The following MIPOL1 variants were observed in gnomAD, a reference collection of about 807,000 sequenced individuals.
The protein encoded by MIPOL1 is mirror-image polydactyly 1, also known as mirror-image polydactyly gene 1 protein.
A neutral mutation model predicts 60.9 loss-of-function variants in MIPOL1; 57 were observed. The ratio of observed to expected loss-of-function variants is 0.94; its 90% CI spans 0.76 to 1.17. The LOEUF (loss-of-function observed/expected upper bound fraction) is 1.17, where lower values mean the gene tolerates loss of function less well. MIPOL1 is among the 50% of genes most tolerant of loss of function. The probability of loss-of-function intolerance (pLI) is 0.00; values close to 1 mark genes in which losing one functional copy is unlikely to be tolerated. For missense variants in MIPOL1, 551 were observed against 511.6 expected, an observed-to-expected ratio of 1.08 and a Z score of -0.74; for synonymous variants, 179 against 168.8, an observed-to-expected ratio of 1.06 and a Z score of -0.47.
At chr14:37,201,651 G>C (rs1246881858) in intron 1 of MIPOL1, among the ~76,000 whole-genome samples, 4 of 152,124 alleles carry the variant, frequency 2.6e-5, no homozygotes, top group Non-Finnish European at 5.9e-5. Flanking sequence ...AAGCTCAACT[G>C]TGACACCTCT....
intron 1 of MIPOL1, among the ~76,000 whole-genome samples, chr14:37,202,681 A>G (rs1308533593): frequency 6.6e-6 from 1 of 152,174 alleles, no homozygotes; most frequent in African/African-American, 2.4e-5. Context: ...TGATGCTTTC[A>G]TATTAGTAAG....
At chr14:37,484,540 G>A (rs187445445) in intron 11 of MIPOL1, among the ~76,000 whole-genome samples, 1 of 152,056 alleles carries the variant, frequency 6.6e-6, no homozygotes, top group Non-Finnish European at 1.5e-5. Context: ...GTTTCACCAT[G>A]TTGTCCAGGA....
At chr14:37,426,570 CATATATATATAT>C (rs68123796) in intron 11 of MIPOL1, among the ~76,000 whole-genome samples, 20 of 85,540 alleles carry the variant, frequency 2.3e-4, no homozygotes, top group African/African-American at 5.9e-4. Flanking sequence ...TCAAAATATA[CATATATATATAT>C]ATATATATAT....
At chr14:37,386,696 T>G (rs1050066048) in intron 10 of MIPOL1, among the ~76,000 whole-genome samples, 1 of 151,994 alleles carries the variant, frequency 6.6e-6, no homozygotes, top group Admixed American at 6.6e-5. Context: ...AGATAGTTGC[T>G]TAGACAGTTG....
intron 11 of MIPOL1, among the ~76,000 whole-genome samples, chr14:37,471,142 C>T (rs2094683616): frequency 1.3e-5 from 2 of 152,088 alleles, no homozygotes; most frequent in Admixed American, 1.3e-4. Flanking sequence ...CATTGGAACA[C>T]TTGGGGACAG....
chr14:37,226,023 G>A (rs1969668567), intron 1 of MIPOL1, among the ~76,000 whole-genome samples: 1 of 152,102 alleles, frequency 6.6e-6, no homozygotes, highest in African/African-American at 2.4e-5. Flanking sequence ...CTTTATTCCA[G>A]TTCCCAACAA....
At chr14:37,457,559 A>C (rs1566639314) in intron 11 of MIPOL1, among the ~76,000 whole-genome samples, 1 of 152,126 alleles carries the variant, frequency 6.6e-6, no homozygotes, top group Non-Finnish European at 1.5e-5. Flanking sequence ...CTACTCTGCA[A>C]GTTTCTATTT....
At chr14:37,514,965 CA>C (rs2095358350) in intron 12 of MIPOL1, among the ~76,000 whole-genome samples, 1 of 152,126 alleles carries the variant, frequency 6.6e-6, no homozygotes, top group Admixed American at 6.5e-5. Flanking sequence ...TGTAGAAATA[CA>C]AATTTCACTT....
At chr14:37,332,688 G>A (rs896998061) in intron 9 of MIPOL1, among the ~76,000 whole-genome samples, 14 of 23,336 alleles carry the variant, frequency 6.0e-4, no homozygotes, top group African/African-American at 1.1e-3. Flanking sequence ...TGAATTATCC[G>A]AAATGGCAGG....
chr14:37,445,943 A>C (rs1458056929), intron 11 of MIPOL1, among the ~76,000 whole-genome samples: 7 of 152,282 alleles, frequency 4.6e-5, no homozygotes, highest in African/African-American at 9.6e-5. Context: ...TAAAGACTTA[A>C]ACGTTAGACC....
At chr14:37,327,777 CTA>C (rs1209088103) in intron 9 of MIPOL1, among the ~76,000 whole-genome samples, 1 of 152,044 alleles carries the variant, frequency 6.6e-6, no homozygotes, top group Non-Finnish European at 1.5e-5. Flanking sequence ...TTAAAAGAAA[CTA>C]TTATTTTGCT....
At chr14:37,480,357 G>A (rs1340603813) in intron 11 of MIPOL1, among the ~76,000 whole-genome samples, 2 of 152,054 alleles carry the variant, frequency 1.3e-5, no homozygotes, top group South Asian at 2.1e-4. Flanking sequence ...CACCATTATC[G>A]AGTGGGATTT....
At chr14:37,436,326 A>T (rs1380765244) in intron 11 of MIPOL1, among the ~76,000 whole-genome samples, 1 of 152,096 alleles carries the variant, frequency 6.6e-6, no homozygotes, top group Non-Finnish European at 1.5e-5. Flanking sequence ...AGAGGAGAGA[A>T]TTCCTTCATA....
chr14:37,247,160 T>C lies in MIPOL1; in HGVS notation c.-141T>C, dbSNP rs1181459195. ...AGATTGCCAATTCCAAATCAACATA[T>C]TTAGAGAAAATTGGAAAAGGAGAAG... On this transcript the variant is annotated 5_prime_UTR_variant, in exon 2 of 13. Transcript: ENST00000684589. 1 of 152,418 alleles carries C rather than the reference T, an allele frequency of 6.6e-6. No homozygotes were observed. The highest frequency in any genetic ancestry group is 2.4e-5 in the African/African-American group (1 of 41,430). 9.4% of individuals were successfully genotyped at this position (152,418 alleles called of 1,614,324 possible). A position where few individuals can be genotyped will look rare whatever the true frequency, so the allele number is the denominator to read the frequency against.
chr14:37,309,006 C>G (rs1433259438), intron 9 of MIPOL1, among the ~76,000 whole-genome samples: 1 of 152,098 alleles, frequency 6.6e-6, no homozygotes, highest in Non-Finnish European at 1.5e-5. Context: ...GATTACCTCC[C>G]TCAGGCCACT....
intron 9 of MIPOL1, among the ~76,000 whole-genome samples, chr14:37,356,128 C>G (rs1446498305): frequency 2.0e-5 from 3 of 150,996 alleles, no homozygotes; most frequent in Non-Finnish European, 2.9e-5. Context: ...TTCTAACAGA[C>G]AGGACCCTCA....
intron 11 of MIPOL1, among the ~76,000 whole-genome samples, chr14:37,449,895 C>T (rs1462248335): frequency 6.6e-6 from 1 of 152,090 alleles, no homozygotes; most frequent in African/African-American, 2.4e-5. Flanking sequence ...TCACTGCAAC[C>T]TTTGCCTCCT....
In MIPOL1 at chr14:37,526,955, C is replaced by A. The variant is rs568407640; in HGVS notation, c.1263-19950C>A. Among the ~76,000 whole-genome samples, 264 of 152,094 alleles carry A rather than the reference C, an allele frequency of 1.7e-3. 6 individuals carry two copies. Among genetic ancestry groups the A allele is most frequent in the Middle Eastern group, 6.8e-3 (2 of 294 alleles). On this transcript the variant is annotated intron_variant, in intron 12 of 12. Transcript: ENST00000684589. Reference sequence around the variant, plus strand: ...TACTATTGAGTAAGTTGTTAGCCTTCCAGTGTGAAAGGTAAAAAATTATAT... The same window carrying A: ...TACTATTGAGTAAGTTGTTAGCCTTACAGTGTGAAAGGTAAAAAATTATAT...
chr14:37,346,736 T>G (rs894438115), intron 9 of MIPOL1, among the ~76,000 whole-genome samples: 2 of 152,108 alleles, frequency 1.3e-5, no homozygotes, highest in African/African-American at 4.8e-5. Context: ...GAAGGAGTGA[T>G]GATATGGCCA....
Sources: gnomAD v4.1 joint callset for allele counts (sites outside exome capture counted in the v4.1 genomes callset) on GRCh38, gnomAD v4.1.1 for gene constraint, MANE v1.5 for transcripts, NCBI Gene and HGNC (gene_info 2026-07-23, HGNC 2026-07-21) for gene names.